HERC5: variants seen among roughly 807,000 people sequenced by gnomAD.
HERC5 encodes HECT and RLD domain containing E3 ubiquitin protein ligase 5.
Under a neutral mutation model 119.6 loss-of-function variants are expected in HERC5, and 99 were observed. The observed-to-expected ratio is 0.83, with a 90% confidence interval of 0.70 to 0.98. HERC5 has a LOEUF of 0.98. Among genes scored for constraint, HERC5 ranks in the 50% least tolerant of loss-of-function variants. HERC5 has a pLI of 0.00. For synonymous variants in HERC5, 478 were observed against 445.9 expected (o/e 1.07, Z -0.91); for missense variants, 1,267 against 1,241.3 (o/e 1.02, Z -0.31).
chr4:88,472,639 A>G, intron 11 of HERC5, 137 bp downstream of exon 11: 2 of 672,172 alleles, frequency 3.0e-6, no homozygotes, highest in Admixed American at 2.8e-5. Context: ...TTAAACTCAG[A>G]TAACATTTAG....
intron 13 of HERC5, among the ~76,000 whole-genome samples, chr4:88,481,388 T>A (rs1199419631): frequency 6.6e-6 from 1 of 152,218 alleles, no homozygotes; most frequent in Non-Finnish European, 1.5e-5. Context: ...ACAAGAATTC[T>A]TTCTATTTTG....
chr4:88,457,496 A>G lies in HERC5; in HGVS notation c.227A>G (p.His76Arg). Residue 76 changes from histidine to arginine, a missense_variant, in exon 1 of 23, where the codon CAC (histidine) becomes CGC (arginine). This residue lies in a region of HERC5 where 777 missense variants were observed against 758.0 expected (regional missense o/e 1.03). Coordinates refer to ENST00000264350, the MANE Select transcript of HERC5 (RefSeq NM_016323.4). ...CGCGGCGGGGCGGGCGTCCAGGTTC[A>G]CCAGCTGCTCGCCGGGAGCGGCGGC... ...LERGGAGVQV[H>R]QLLAGSGGAR... The G allele has an allele frequency of 7.6e-7, 1 of 1,315,560 alleles. No individual in the cohort carries two copies. Among genetic ancestry groups the G allele is most frequent in the East Asian group, 2.9e-5 (1 of 34,264 alleles). The allele number at this position is 1,315,560 out of a possible 1,614,324, so 81.5% of individuals were successfully genotyped here.
chr4:88,477,017 A>G (rs1397495064), intron 12 of HERC5, among the ~76,000 whole-genome samples: 2 of 149,596 alleles, frequency 1.3e-5, no homozygotes, highest in Admixed American at 1.3e-4. Context: ...TATCTAGGTC[A>G]TTCAAATTTC....
At chr4:88,489,876 G>A (rs1741580719) in intron 16 of HERC5, among the ~76,000 whole-genome samples, 1 of 152,066 alleles carries the variant, frequency 6.6e-6, no homozygotes, top group Non-Finnish European at 1.5e-5. Flanking sequence ...GTGTGTGGTG[G>A]TGGGTGCCTG....
chr4:88,501,332 A>G (rs1317850418), intron 20 of HERC5, among the ~76,000 whole-genome samples: 3 of 152,180 alleles, frequency 2.0e-5, no homozygotes, highest in African/African-American at 7.2e-5. Context: ...TGTTTCTCCA[A>G]TGATAGTGAA....
intron 13 of HERC5, 90 bp from the exon 14 acceptor site, chr4:88,486,025 T>G (rs1486233375): frequency 8.5e-6 from 6 of 702,980 alleles, no homozygotes; most frequent in Non-Finnish European, 1.5e-5. Flanking sequence ...AGTGTTTCAT[T>G]TATAATTTAA....
At position 88,478,700 on chromosome 4, in the gene HERC5, C is replaced by T. The variant is rs543878661; in HGVS notation, c.1583-653C>T. ...AATCTCAGCTCACTGCAGCCTCCAC[C>T]TCCCAGTCTCAAGCGGTTCTCCCAC... On this transcript the variant is annotated intron_variant, in intron 12 of 22. Coordinates refer to ENST00000264350, the MANE Select transcript of HERC5 (RefSeq NM_016323.4). Among the ~76,000 whole-genome samples the T allele has an allele frequency of 3.3e-5, 5 of 152,216 alleles. No individual in the cohort carries two copies. The East Asian group carries it at 9.7e-4, about 30-fold the overall frequency.
chr4:88,465,074 C>T (rs1740610646), intron 6 of HERC5, among the ~76,000 whole-genome samples: 1 of 152,082 alleles, frequency 6.6e-6, no homozygotes, highest in African/African-American at 2.4e-5. Flanking sequence ...CTGGCCACAA[C>T]CGGCTAATTT....
At position 88,463,770 on chromosome 4, in the gene HERC5, T is replaced by C. The variant is rs1039508660; in HGVS notation, c.781-85T>C. 3.4e-6 allele frequency: 5 copies of C among 1,491,812 alleles called. No homozygotes were observed. The African/African-American group carries it at 6.9e-5, about 21-fold the overall frequency. The allele number at this position is 1,491,812 out of a possible 1,614,324, so 92.4% of individuals were successfully genotyped here. On this transcript the variant is annotated intron_variant, in intron 5 of 22. Transcript: ENST00000264350. ...TAGGAGCTTTACTTTGACAGTGCTA[T>C]TTATTAGTGATTCACTTTGCATCAG...
chr4:88,487,001 C>A, intron 14 of HERC5, 68 bp from the exon 15 acceptor site: 2 of 1,038,796 alleles, frequency 1.9e-6, no homozygotes, highest in Non-Finnish European at 2.9e-6. Context: ...GGATGTAAGG[C>A]TATGAGGTAA....
rs1285968832 is a variant in HERC5, at chr4:88,464,186, T to C, written c.911+201T>C. Among the ~76,000 whole-genome samples, 8 of 151,168 alleles carry C rather than the reference T, an allele frequency of 5.3e-5. No individual in the cohort carries two copies. In the East Asian group the frequency reaches 1.2e-3, roughly 22 times the overall value. The stretch of plus-strand genomic sequence containing the variant: ...TTCTTTGATTTTTTTTTTTTTTTTT[T>C]TTTTTAAATGAGCAGATACAATTCA... On this transcript the variant is annotated intron_variant, in intron 6 of 22. Transcript: ENST00000264350.
At position 88,457,317 on chromosome 4, in the gene HERC5, C is replaced by G; in HGVS notation, c.48C>G (p.Thr16=). The G allele has an allele frequency of 2.2e-6, 3 of 1,382,338 alleles. No homozygotes were observed. The highest frequency in any genetic ancestry group is 2.8e-6 in the Non-Finnish European group (3 of 1,071,930). 85.6% of individuals were successfully genotyped at this position (1,382,338 alleles called of 1,614,324 possible). A position where few individuals can be genotyped will look rare whatever the true frequency, so the allele number is the denominator to read the frequency against. Residue 16 remains threonine, a synonymous_variant, in exon 1 of 23, where the codon ACC becomes ACG. Transcript: ENST00000264350. ...RRKSRRNGRS[T]AGKAAATQPA... is the part of the protein sequence containing the mutation. ...AGTCGCGGCGCAACGGGCGCTCGACCGCGGGCAAGGCCGCCGCGACCCAGC... is the reference window on the plus strand; with the variant it reads ...AGTCGCGGCGCAACGGGCGCTCGACGGCGGGCAAGGCCGCCGCGACCCAGC...
intron 11 of HERC5, chr4:88,473,589 T>C (rs1258722554): frequency 6.6e-6 from 1 of 152,222 alleles, no homozygotes; most frequent in Non-Finnish European, 1.5e-5. Flanking sequence ...GTACCTTTAT[T>C]GGGACCCTAC....
chr4:88,472,477 C>A lies in HERC5; in HGVS notation c.1367C>A (p.Thr456Asn). Residue 456 changes from threonine (T) to asparagine (N), a missense_variant, in exon 11 of 23, where the codon ACC becomes AAC. By Grantham distance (65) the Thr-to-Asn change is moderately conservative. This residue lies in a region of HERC5 where 777 missense variants were observed against 758.0 expected (regional missense o/e 1.03). Coordinates refer to ENST00000264350, the MANE Select transcript of HERC5 (RefSeq NM_016323.4). Reference protein sequence around the residue: ...NKARNIFKELTQKDWITNMIT... With the variant: ...NKARNIFKELNQKDWITNMIT... ...GCAAGAAACATCTTCAAGGAGTTAA[C>A]CCAAAAGGACTGGATTACTAACATG... is the stretch of plus-strand genomic sequence containing the variant. 1 of 1,592,636 alleles carries A rather than the reference C, an allele frequency of 6.3e-7. No individual in the cohort carries two copies. Among genetic ancestry groups the A allele is most frequent in the Non-Finnish European group, 8.6e-7 (1 of 1,162,436 alleles).
chr4:88,491,724 A>T (rs1741644691), intron 16 of HERC5, among the ~76,000 whole-genome samples: 1 of 151,950 alleles, frequency 6.6e-6, no homozygotes, highest in Non-Finnish European at 1.5e-5. Context: ...GTTTGGCAAG[A>T]GTGGAAGGAG....
rs1235883086 is a variant in HERC5, at chr4:88,457,192, G to C, written c.-78G>C. 1 of 1,242,046 alleles carries C rather than the reference G, an allele frequency of 8.1e-7. No individual in the cohort carries two copies. 76.9% of individuals were successfully genotyped at this position (1,242,046 alleles called of 1,614,324 possible). ...GTTCCCGCTCTGCAGCGCAACGCCT[G>C]AGGCAGTGGGCGCGCTCAGTCCCGG... On this transcript the variant is annotated 5_prime_UTR_variant, in exon 1 of 23. Transcript: ENST00000264350.
intron 17 of HERC5, 42 bp from the exon 18 acceptor site, chr4:88,494,123 T>A: frequency 7.6e-7 from 1 of 1,311,828 alleles, no homozygotes; most frequent in Non-Finnish European, 1.1e-6. Context: ...ATTGTACTGG[T>A]AAAAACTCAT....
At chr4:88,505,262 GCCTTTCTAAA>G (rs916550213) in intron 22 of HERC5, among the ~76,000 whole-genome samples, 3 of 152,014 alleles carry the variant, frequency 2.0e-5, no homozygotes, top group Admixed American at 6.6e-5. Context: ...CCTCCTTGTT[GCCTTTCTAAA>G]CCTTTCCATC....
chr4:88,474,822 A>G (rs1741001323), intron 11 of HERC5, among the ~76,000 whole-genome samples: 2 of 152,202 alleles, frequency 1.3e-5, no homozygotes, highest in Admixed American at 1.3e-4. Context: ...GGGTTAAATG[A>G]CCTAATTAAT....
Sources: allele counts gnomAD v4.1 joint callset (sites outside exome capture counted in the v4.1 genomes callset), GRCh38; gene constraint gnomAD v4.1.1; regional missense constraint gnomAD v4.1.1; transcripts MANE v1.5; gene names NCBI Gene and HGNC (gene_info 2026-07-23, HGNC 2026-07-21).